OSBP2: variants seen among roughly 807,000 people sequenced by gnomAD.
The protein encoded by OSBP2 is oxysterol-binding protein 2.
OSBP2 carries 66 observed loss-of-function variants against 96.0 expected under a neutral mutation model. The ratio of observed to expected loss-of-function variants is 0.69; its 90% CI spans 0.56 to 0.84. OSBP2 has a LOEUF of 0.84. Ranked by LOEUF, OSBP2 falls within the 40% of genes least tolerant of loss-of-function variation. The pLI, the probability that OSBP2 is intolerant of heterozygous loss-of-function variation, is 0.00. For synonymous variants in OSBP2, 525 were observed against 520.9 expected (o/e 1.01, Z -0.11); for missense variants, 1,038 against 1,222.7 (o/e 0.85, Z 2.25).
intron 2 of OSBP2, among the ~76,000 whole-genome samples, chr22:30,790,109 G>A (rs1431387936): frequency 6.6e-6 from 1 of 152,142 alleles, no homozygotes; most frequent in Non-Finnish European, 1.5e-5. Context: ...CAGCAGATGG[G>A]TTTTGTTGGA....
intron 2 of OSBP2, among the ~76,000 whole-genome samples, chr22:30,777,181 C>T (rs183505009): frequency 5.9e-5 from 9 of 151,968 alleles, no homozygotes; most frequent in Non-Finnish European, 8.8e-5. Flanking sequence ...TGGGAAGGCT[C>T]GATTGGTTTT....
intron 6 of OSBP2, 64 bp downstream of exon 6, chr22:30,889,298 A>T: frequency 1.3e-6 from 2 of 1,525,620 alleles, no homozygotes; most frequent in Non-Finnish European, 1.8e-6. Flanking sequence ...TGGGAGGGAC[A>T]GGCCAGCACC....
chr22:30,905,524 C>T (rs976894257), intron 12 of OSBP2, among the ~76,000 whole-genome samples: 2 of 152,152 alleles, frequency 1.3e-5, no homozygotes, highest in African/African-American at 2.4e-5. Context: ...GAAAAAAAAA[C>T]ATAATAGAAA....
intron 2 of OSBP2, among the ~76,000 whole-genome samples, chr22:30,763,607 C>T (rs994686095): frequency 6.7e-6 from 1 of 148,602 alleles, no homozygotes; most frequent in African/African-American, 2.5e-5. Flanking sequence ...GATTGAGCCA[C>T]TGCTCTCCAG....
chr22:30,826,200 A>G (rs2038401473), intron 2 of OSBP2, among the ~76,000 whole-genome samples: 1 of 152,168 alleles, frequency 6.6e-6, no homozygotes, highest in Non-Finnish European at 1.5e-5. Flanking sequence ...AAAATTCACA[A>G]ATAGGGACTT....
At chr22:30,718,554 G>A (rs919197954) in intron 1 of OSBP2, among the ~76,000 whole-genome samples, 1 of 152,194 alleles carries the variant, frequency 6.6e-6, no homozygotes, top group Non-Finnish European at 1.5e-5. Context: ...TTAATGGCTT[G>A]GAGATCTGAG....
chr22:30,801,727 C>A (rs1202886569), intron 2 of OSBP2, among the ~76,000 whole-genome samples: 1 of 152,092 alleles, frequency 6.6e-6, no homozygotes, highest in African/African-American at 2.4e-5. Flanking sequence ...AATCTCAGTG[C>A]TTTGGGGAGG....
chr22:30,741,410 T>A, intron 2 of OSBP2, 41 bp downstream of exon 2: 1 of 1,513,546 alleles, frequency 6.6e-7, no homozygotes, highest in African/African-American at 1.4e-5. Flanking sequence ...TATGGTGGTG[T>A]CATGAGTCTG....
intron 2 of OSBP2, among the ~76,000 whole-genome samples, chr22:30,760,538 G>T (rs2090193839): frequency 6.6e-6 from 1 of 152,184 alleles, no homozygotes; most frequent in Non-Finnish European, 1.5e-5. Flanking sequence ...AAATGGGGCT[G>T]GGGGCAGTGG....
At chr22:30,711,836 G>T (rs2089358847) in intron 1 of OSBP2, among the ~76,000 whole-genome samples, 1 of 151,968 alleles carries the variant, frequency 6.6e-6, no homozygotes, top group South Asian at 2.1e-4. Flanking sequence ...GCCCACCATG[G>T]TGTCTGCCTG....
chr22:30,872,577 G>A (rs920729499), intron 3 of OSBP2: 1 of 359,596 alleles, frequency 2.8e-6, no homozygotes, highest in South Asian at 2.1e-5. Flanking sequence ...AGCATCCGGG[G>A]AACATGGCGG....
chr22:30,792,172 G>A (rs2090684520), intron 2 of OSBP2, among the ~76,000 whole-genome samples: 1 of 152,098 alleles, frequency 6.6e-6, no homozygotes, highest in East Asian at 1.9e-4. Context: ...CATTAGCCAG[G>A]TGTGGTGGCA....
At chr22:30,860,079 G>A (rs5753350) in intron 2 of OSBP2, among the ~76,000 whole-genome samples, 1 of 151,966 alleles carries the variant, frequency 6.6e-6, no homozygotes, top group Non-Finnish European at 1.5e-5. Flanking sequence ...TCTTACCTTG[G>A]CTACAGCACT....
At chr22:30,728,872 A>G (rs5997744) in intron 1 of OSBP2, among the ~76,000 whole-genome samples, 5,839 of 152,288 alleles carry the variant, frequency 0.038, 185 homozygotes, top group African/African-American at 0.082. Context: ...CACAAAATGG[A>G]TAAACCACCA....
chr22:30,882,567 A>G (rs2039726768), intron 3 of OSBP2, among the ~76,000 whole-genome samples: 2 of 151,786 alleles, frequency 1.3e-5, no homozygotes, highest in South Asian at 4.1e-4. Context: ...CCTGCCCCAC[A>G]GTGGGCCCGC....
intron 2 of OSBP2, among the ~76,000 whole-genome samples, chr22:30,862,181 G>A (rs1310227991): frequency 1.3e-5 from 2 of 152,238 alleles, no homozygotes; most frequent in Non-Finnish European, 2.9e-5. Flanking sequence ...GGCAGCCCTA[G>A]CCTGGAGGGG....
At chr22:30,836,921 CTT>C (rs2038645401) in intron 2 of OSBP2, among the ~76,000 whole-genome samples, 1 of 152,122 alleles carries the variant, frequency 6.6e-6, no homozygotes, top group African/African-American at 2.4e-5. Context: ...TCCGTCAACT[CTT>C]GTTAAGTGGG....
chr22:30,698,168 C>T (rs190145366), intron 1 of OSBP2, among the ~76,000 whole-genome samples: 19 of 152,246 alleles, frequency 1.2e-4, no homozygotes, highest in African/African-American at 4.3e-4. Flanking sequence ...TGCCCAGTGC[C>T]GTGCATGTGT....
chr22:30,805,470 A>G (rs2090916091), intron 2 of OSBP2, among the ~76,000 whole-genome samples: 2 of 152,216 alleles, frequency 1.3e-5, no homozygotes, highest in African/African-American at 4.8e-5. Flanking sequence ...TTAACCTATT[A>G]TTAATTGTAT....
Sources: allele counts gnomAD v4.1 joint callset (sites outside exome capture counted in the v4.1 genomes callset), GRCh38; gene constraint gnomAD v4.1.1; transcripts MANE v1.5; gene names NCBI Gene and HGNC (gene_info 2026-07-23, HGNC 2026-07-21).